The following TCF25 variants were observed in gnomAD, a reference collection of about 807,000 sequenced individuals.
The protein encoded by TCF25 is TCF25 ribosome quality control complex subunit.
TCF25 carries 41 observed loss-of-function variants against 83.1 expected under a neutral mutation model. The ratio of observed to expected loss-of-function variants is 0.49; its 90% CI spans 0.38 to 0.64. The LOEUF is 0.64. Ranked by LOEUF, TCF25 falls within the 30% of genes least tolerant of loss-of-function variation. The pLI is 0.00. For missense variants in TCF25, 979 were observed against 914.5 expected (o/e 1.07, Z -0.91); for synonymous variants, 458 against 365.0 (o/e 1.25, Z -2.90).
chr16:89,887,058 C>G (rs984300267), intron 4 of TCF25, among the ~76,000 whole-genome samples: 1 of 151,852 alleles, frequency 6.6e-6, no homozygotes, highest in Non-Finnish European at 1.5e-5. Flanking sequence ...TTTTAAGAGA[C>G]AGGATCTCTC....
At chr16:89,874,873 C>A (rs970130716) in intron 1 of TCF25, 2 of 152,046 alleles carry the variant, frequency 1.3e-5, no homozygotes, top group African/African-American at 4.8e-5. Context: ...CTCAGCCTCA[C>A]AAAGTGCTGG....
chr16:89,904,275 A>T, intron 13 of TCF25, 70 bp downstream of exon 13: 1 of 1,500,742 alleles, frequency 6.7e-7, no homozygotes, highest in Non-Finnish European at 9.1e-7. Context: ...ATTTTCACTC[A>T]TCCTGAGAGG....
intron 11 of TCF25, among the ~76,000 whole-genome samples, chr16:89,899,933 A>C (rs1273601872): frequency 1.3e-5 from 2 of 152,098 alleles, no homozygotes. Flanking sequence ...AAAGTGGGTA[A>C]ATTATTTTGA....
chr16:89,887,884 C>T (rs926317466), intron 5 of TCF25, among the ~76,000 whole-genome samples, 167 bp downstream of exon 5: 2 of 152,204 alleles, frequency 1.3e-5, no homozygotes, highest in African/African-American at 4.8e-5. Context: ...CACAGATTGT[C>T]TGTGTATAAC....
intron 16 of TCF25, 42 bp from the exon 17 acceptor site, chr16:89,910,549 T>G (rs1246495122): frequency 6.2e-7 from 1 of 1,606,980 alleles, no homozygotes; most frequent in South Asian, 1.1e-5. Context: ...CCCACGAGTC[T>G]CAGTTCAGTG....
chr16:89,874,959 C>T (rs2042065195), intron 1 of TCF25: 1 of 152,110 alleles, frequency 6.6e-6, no homozygotes, highest in Non-Finnish European at 1.5e-5. Context: ...TCCCCAAGAC[C>T]CCCGTCAAGG....
rs1191695591 is a variant in TCF25, at chr16:89,900,626, C to T, written c.1222-9C>T. 4 of 1,567,504 alleles carry T rather than the reference C, an allele frequency of 2.6e-6. No individual in the cohort carries two copies. Among genetic ancestry groups the T allele is most frequent in the Non-Finnish European group, 2.6e-6 (3 of 1,145,194 alleles). ...AAGGCTCCACGCTCTGTTTCTTCGT[C>T]CCTCGTAGGCTCATCGGAACCTGTC... On this transcript the variant is annotated splice_polypyrimidine_tract_variant and intron_variant, in intron 11 of 17. Coordinates refer to ENST00000263346, the MANE Select transcript of TCF25 (RefSeq NM_014972.3).
Position 89,883,353 on chromosome 16 carries a change from A to G in TCF25, c.195A>G (p.Ile65Met), listed in dbSNP as rs750923974. Residue 65 changes from isoleucine (I) to methionine (M), a missense_variant and splice_region_variant, in exon 2 of 18, where the codon ATA becomes ATG. Physicochemically the swap from Ile to Met is conservative, Grantham distance 10 (BLOSUM62 1). Transcript: ENST00000263346. The stretch of plus-strand genomic sequence containing the variant: ...TCTTCTCCAACCTGTTTTTCCAGAT[A>G]AACATTGACGATCTTGAGGATGACC... Reference protein sequence around the residue: ...GVRVNNRFELINIDDLEDDPV... With the variant: ...GVRVNNRFELMNIDDLEDDPV... 1 of 1,612,866 alleles carries G rather than the reference A, an allele frequency of 6.2e-7. No individual in the cohort carries two copies. Among genetic ancestry groups the G allele is most frequent in the Admixed American group, 1.7e-5 (1 of 59,896 alleles).
intron 11 of TCF25, 66 bp from the exon 12 acceptor site, chr16:89,900,569 C>T: frequency 6.7e-7 from 1 of 1,499,338 alleles, no homozygotes; most frequent in Non-Finnish European, 9.0e-7. Flanking sequence ...GTCAGAGCGT[C>T]TGCAAACTCA....
chr16:89,873,998 G>A, intron 1 of TCF25, 139 bp downstream of exon 1: 2 of 1,109,630 alleles, frequency 1.8e-6, no homozygotes, highest in Non-Finnish European at 2.4e-6. Flanking sequence ...GCAGTGGGGA[G>A]GGCGGGGCCG....
intron 5 of TCF25, chr16:89,889,506 G>A (rs1431234436): frequency 1.1e-5 from 2 of 185,688 alleles, no homozygotes; most frequent in Admixed American, 5.8e-5. Context: ...GGACCATGGA[G>A]AGTATTGCTG....
At chr16:89,892,054 A>T in intron 5 of TCF25, 139 bp from the exon 6 acceptor site, 1 of 696,330 alleles carries the variant, frequency 1.4e-6, no homozygotes, top group Non-Finnish European at 2.2e-6. Flanking sequence ...TCCTGTCCTT[A>T]ATGCGTCCCC....
chr16:89,899,192 C>T (rs1370463471), intron 11 of TCF25, among the ~76,000 whole-genome samples: 1 of 152,126 alleles, frequency 6.6e-6, no homozygotes, highest in Non-Finnish European at 1.5e-5. Flanking sequence ...AACTCCCGAG[C>T]TCCTCATGGG....
intron 1 of TCF25, among the ~76,000 whole-genome samples, chr16:89,876,675 C>T (rs1336601757): frequency 6.6e-6 from 1 of 152,072 alleles, no homozygotes; most frequent in African/African-American, 2.4e-5. Context: ...GCCTGTATTC[C>T]CAGCACTTTG....
chr16:89,906,011 C>T, intron 14 of TCF25, 183 bp from the exon 15 acceptor site: 1 of 591,508 alleles, frequency 1.7e-6, no homozygotes, highest in South Asian at 2.0e-5. Flanking sequence ...AGAGGCTCCC[C>T]AGCCGCAGGC....
chr16:89,903,409 GCCT>G (rs2044509762), intron 12 of TCF25, among the ~76,000 whole-genome samples: 3 of 152,246 alleles, frequency 2.0e-5, no homozygotes, highest in African/African-American at 7.2e-5. Flanking sequence ...GGTGGCTCAC[GCCT>G]GTAATCCCAG....
intron 16 of TCF25, chr16:89,909,052 T>C (rs1424842812): frequency 1.6e-6 from 2 of 1,289,402 alleles, no homozygotes; most frequent in Non-Finnish European, 2.0e-6. Flanking sequence ...CCACCGAATG[T>C]ACAAGCGCTT....
chr16:89,877,623 G>A (rs1040889417), intron 1 of TCF25, among the ~76,000 whole-genome samples: 3 of 152,106 alleles, frequency 2.0e-5, no homozygotes, highest in Non-Finnish European at 4.4e-5. Context: ...AAAATGTGTC[G>A]AAGGAAGAAA....
intron 5 of TCF25, among the ~76,000 whole-genome samples, chr16:89,888,755 C>T (rs1304710138): frequency 6.7e-6 from 1 of 149,666 alleles, no homozygotes; most frequent in Non-Finnish European, 1.5e-5. Context: ...TGGCTCACTG[C>T]AACCTCCGCC....
Sources: gnomAD v4.1 joint callset for allele counts (sites outside exome capture counted in the v4.1 genomes callset) on GRCh38, gnomAD v4.1.1 for gene constraint, MANE v1.5 for transcripts, NCBI Gene and HGNC (gene_info 2026-07-23, HGNC 2026-07-21) for gene names.